GRIN2A: variants seen among roughly 807,000 people sequenced by gnomAD.
GRIN2A encodes glutamate receptor ionotropic, NMDA 2A.
A neutral mutation model predicts 113.4 loss-of-function variants in GRIN2A; 22 were observed. The ratio of observed to expected loss-of-function variants is 0.19; its 90% CI spans 0.14 to 0.28. The LOEUF is 0.28. Among genes scored for constraint, GRIN2A ranks in the 10% least tolerant of loss-of-function variants. The pLI is 1.00. For missense variants in GRIN2A, 1,502 were observed against 1,887.0 expected (o/e 0.80, Z 3.78); for synonymous variants, 827 against 738.4 (o/e 1.12, Z -1.94).
At chr16:9,997,145 T>C (rs1288894378) in intron 2 of GRIN2A, among the ~76,000 whole-genome samples, 1 of 152,164 alleles carries the variant, frequency 6.6e-6, no homozygotes, top group Non-Finnish European at 1.5e-5. Flanking sequence ...GAGTTAAAAC[T>C]CAAAACAGGA....
intron 11 of GRIN2A, among the ~76,000 whole-genome samples, chr16:9,796,246 C>T (rs1418515594): frequency 6.6e-6 from 1 of 152,162 alleles, no homozygotes; most frequent in Non-Finnish European, 1.5e-5. Flanking sequence ...AAATGAAATA[C>T]ATCTTAACAT....
At chr16:10,179,242 T>C (rs1376684463) in intron 2 of GRIN2A, among the ~76,000 whole-genome samples, 1 of 152,204 alleles carries the variant, frequency 6.6e-6, no homozygotes, top group East Asian at 1.9e-4. Flanking sequence ...CCAAGACCCA[T>C]CTTTGTTCAG....
intron 2 of GRIN2A, among the ~76,000 whole-genome samples, chr16:9,996,715 G>A (rs368574520): frequency 6.6e-6 from 1 of 152,140 alleles, no homozygotes; most frequent in African/African-American, 2.4e-5. Flanking sequence ...CCAATGGGAA[G>A]AGGCTATACC....
At chr16:9,773,721 C>A (rs1368080687) in intron 11 of GRIN2A, among the ~76,000 whole-genome samples, 1 of 152,124 alleles carries the variant, frequency 6.6e-6, no homozygotes, top group Non-Finnish European at 1.5e-5. Context: ...TTCTTTGCGC[C>A]CATGGGAACT....
At chr16:10,057,114 C>G (rs74007911) in intron 2 of GRIN2A, among the ~76,000 whole-genome samples, 1 of 152,098 alleles carries the variant, frequency 6.6e-6, no homozygotes, top group South Asian at 2.1e-4. Context: ...CCCATCCATC[C>G]ATCATTCATC....
At chr16:10,075,284 T>C (rs1427527502) in intron 2 of GRIN2A, among the ~76,000 whole-genome samples, 2 of 152,084 alleles carry the variant, frequency 1.3e-5, no homozygotes, top group Non-Finnish European at 2.9e-5. Context: ...TCATACTAAA[T>C]CAGATTAGGA....
At chr16:9,911,267 A>C (rs1465870063) in intron 3 of GRIN2A, among the ~76,000 whole-genome samples, 5 of 152,134 alleles carry the variant, frequency 3.3e-5, no homozygotes, top group Non-Finnish European at 7.3e-5. Flanking sequence ...TGGGAGAATC[A>C]CTTGAGGCCA....
At chr16:9,799,152 T>C (rs759957449) in intron 10 of GRIN2A, among the ~76,000 whole-genome samples, 16 of 152,222 alleles carry the variant, frequency 1.1e-4, no homozygotes, top group Non-Finnish European at 5.9e-5. Flanking sequence ...TTGTAGGACA[T>C]ACCGTCTCTG....
At chr16:9,959,697 G>A (rs2045392217) in intron 2 of GRIN2A, among the ~76,000 whole-genome samples, 1 of 152,234 alleles carries the variant, frequency 6.6e-6, no homozygotes, top group Non-Finnish European at 1.5e-5. Flanking sequence ...ACATTGGCCA[G>A]GCATGGCGGC....
chr16:10,064,768 G>A (rs1382393536), intron 2 of GRIN2A, among the ~76,000 whole-genome samples: 1 of 152,186 alleles, frequency 6.6e-6, no homozygotes, highest in African/African-American at 2.4e-5. Flanking sequence ...ACTTCTCCAT[G>A]TGCTTCAGTG....
Position 9,763,067 on chromosome 16 carries a change from C to T in GRIN2A, c.*82G>A. 7.2e-7 allele frequency: 1 copy of T among 1,393,910 alleles called. No individual in the cohort carries two copies. The highest frequency in any genetic ancestry group is 1.0e-6 in the Non-Finnish European group (1 of 990,814). The allele number at this position is 1,393,910 out of a possible 1,614,324, so 86.3% of individuals were successfully genotyped here. A position where few individuals can be genotyped will look rare whatever the true frequency, so the allele number is the denominator to read the frequency against. ...ACATCTTCTTCCTCTTAGCAGGGCA[C>T]TATTGGACATCCAACATTTACCCTC... On this transcript the variant is annotated 3_prime_UTR_variant, in exon 13 of 13. Transcript: ENST00000330684.
intron 2 of GRIN2A, among the ~76,000 whole-genome samples, chr16:10,095,802 A>G (rs1366670978): frequency 3.3e-5 from 5 of 152,306 alleles, no homozygotes; most frequent in South Asian, 4.1e-4. Flanking sequence ...CAATATCAAG[A>G]CCAACGGACA....
intron 2 of GRIN2A, among the ~76,000 whole-genome samples, chr16:10,124,305 A>G (rs768920924): frequency 2.0e-5 from 3 of 152,020 alleles, no homozygotes; most frequent in Non-Finnish European, 4.4e-5. Context: ...GGATAATAAA[A>G]CCTACCATGT....
At chr16:9,984,453 C>A (rs1219262682) in intron 2 of GRIN2A, among the ~76,000 whole-genome samples, 3 of 152,108 alleles carry the variant, frequency 2.0e-5, no homozygotes, top group Admixed American at 2.0e-4. Context: ...TGGAGTTTAC[C>A]CTGTTTTCTT....
chr16:9,968,306 A>ATGTG (rs2045600516), intron 2 of GRIN2A, among the ~76,000 whole-genome samples: 1 of 151,826 alleles, frequency 6.6e-6, no homozygotes, highest in Non-Finnish European at 1.5e-5. Flanking sequence ...GTATGTATGT[A>ATGTG]TACATGTACG....
chr16:9,980,581 C>T (rs2045871641), intron 2 of GRIN2A, among the ~76,000 whole-genome samples: 1 of 152,068 alleles, frequency 6.6e-6, no homozygotes, highest in Non-Finnish European at 1.5e-5. Flanking sequence ...AGACTTGGAA[C>T]CAACCCAAAT....
intron 2 of GRIN2A, among the ~76,000 whole-genome samples, chr16:10,164,471 G>A (rs1360183110): frequency 3.3e-5 from 5 of 152,314 alleles, no homozygotes; most frequent in East Asian, 1.9e-4. Flanking sequence ...CCTGGGACAC[G>A]AACATGACTC....
chr16:10,057,204 A>C lies in GRIN2A; in HGVS notation c.415-118653T>G, dbSNP rs140071460. Among the ~76,000 whole-genome samples, 277 of 152,372 alleles carry C rather than the reference A, an allele frequency of 1.8e-3. 1 individual carries two copies. Among genetic ancestry groups the C allele is most frequent in the African/African-American group, 6.3e-3 (260 of 41,582 alleles). On this transcript the variant is annotated intron_variant, in intron 2 of 12. Coordinates refer to ENST00000330684, the MANE Select transcript of GRIN2A (RefSeq NM_001134407.3). ...AGTGTACAATGGCGACAACAGTAGT[A>C]GCACGATATTATGGGTTCTTCCTCT...
chr16:10,153,527 C>A (rs1335813770), intron 2 of GRIN2A, among the ~76,000 whole-genome samples: 1 of 152,136 alleles, frequency 6.6e-6, no homozygotes, highest in African/African-American at 2.4e-5. Context: ...ATTTTATAAA[C>A]ATTTTTCTAA....
Sources: allele counts gnomAD v4.1 joint callset (sites outside exome capture counted in the v4.1 genomes callset), GRCh38; gene constraint gnomAD v4.1.1; transcripts MANE v1.5; gene names NCBI Gene and HGNC (gene_info 2026-07-23, HGNC 2026-07-21).